SORL1: variants seen among roughly 807,000 people sequenced by gnomAD.
SORL1 encodes the protein sortilin related receptor 1.
In SORL1, 127 loss-of-function variants were observed where a neutral mutation model predicts 273.7. The observed-to-expected ratio is 0.46, with a 90% confidence interval of 0.40 to 0.54. The LOEUF is 0.54. Ranked by LOEUF, SORL1 falls within the 20% of genes least tolerant of loss-of-function variation. The pLI, the probability that SORL1 is intolerant of heterozygous loss-of-function variation, is 0.00. For synonymous variants in SORL1, 1,031 were observed against 1,067.4 expected, an observed-to-expected ratio of 0.97 and a Z score of 0.66; for missense variants, 2,494 against 2,846.1, an observed-to-expected ratio of 0.88 and a Z score of 2.81.
intron 44 of SORL1, 50 bp from the exon 45 acceptor site, chr11:121,622,112 T>C (rs1193962313): frequency 2.0e-6 from 2 of 1,014,400 alleles, no homozygotes; most frequent in Non-Finnish European, 3.1e-6. Context: ...GAAAATAGAG[T>C]TTCAAATGTA....
chr11:121,530,692 A>G (rs1376304205), intron 11 of SORL1, among the ~76,000 whole-genome samples: 1 of 151,506 alleles, frequency 6.6e-6, no homozygotes, highest in Non-Finnish European at 1.5e-5. Context: ...AATTTGGGAA[A>G]TTTTCAGCCA....
At position 121,599,853 on chromosome 11, in the gene SORL1, G is replaced by A. The variant is rs1053109146; in HGVS notation, c.4519+4081G>A. On this transcript the variant is annotated intron_variant, in intron 32 of 47. Coordinates refer to ENST00000260197, the MANE Select transcript of SORL1 (RefSeq NM_003105.6). ...AAAGATTCTTATTTCTCTTTCTGTC[G>A]CCTTATGCCTGTTTGCTTTCCTGCA... Among the ~76,000 whole-genome samples the A allele has an allele frequency of 7.2e-5, 11 of 151,756 alleles. No homozygotes were observed. The East Asian group carries it at 1.2e-3, about 16-fold the overall frequency.
At position 121,555,275 on chromosome 11, in the gene SORL1, G is replaced by T; in HGVS notation, c.2528G>T (p.Ser843Ile). Residue 843 changes from serine to isoleucine, a missense_variant, in exon 18 of 48, where the codon AGC becomes ATC. Transcript: ENST00000260197. ...TVEALAFEPL[S>I]QLLYWVDAGF... is the part of the protein sequence containing the mutation. ...GAAGCTTTGGCTTTTGAACCCCTCA[G>T]CCAGCTGCTTTACTGGGTAGATGCA... 1 of 1,614,116 alleles carries T rather than the reference G, an allele frequency of 6.2e-7. No homozygotes were observed. The highest frequency in any genetic ancestry group is 8.5e-7 in the Non-Finnish European group (1 of 1,179,944).
chr11:121,593,473 T>G (rs1863246314), intron 31 of SORL1, among the ~76,000 whole-genome samples: 1 of 152,206 alleles, frequency 6.6e-6, no homozygotes, highest in African/African-American at 2.4e-5. Context: ...ACAACGTGGA[T>G]TCTCCTTTCG....
At chr11:121,622,661 C>T (rs1209477998) in intron 45 of SORL1, among the ~76,000 whole-genome samples, 2 of 152,238 alleles carry the variant, frequency 1.3e-5, no homozygotes, top group Non-Finnish European at 2.9e-5. Flanking sequence ...AGTTGAGCTG[C>T]ACTCTCAGCC....
At chr11:121,621,328 GT>G in intron 44 of SORL1, 90 bp downstream of exon 44, 2 of 1,219,268 alleles carry the variant, frequency 1.6e-6, no homozygotes, top group Non-Finnish European at 2.3e-6. Context: ...TTCATTAGGC[GT>G]TTGTTTCACA....
intron 23 of SORL1, among the ~76,000 whole-genome samples, chr11:121,571,911 T>C (rs1399142570): frequency 6.6e-6 from 1 of 152,212 alleles, no homozygotes; most frequent in Non-Finnish European, 1.5e-5. Context: ...GCCTCCTTTA[T>C]CAGAGTTGCA....
intron 6 of SORL1, among the ~76,000 whole-genome samples, chr11:121,511,097 T>C (rs1173264197): frequency 6.6e-6 from 1 of 152,178 alleles, no homozygotes; most frequent in Admixed American, 6.5e-5. Flanking sequence ...CAGTAACTCT[T>C]TAAAAATCCA....
At chr11:121,482,829 T>C (rs1301712863) in intron 3 of SORL1, among the ~76,000 whole-genome samples, 1 of 152,232 alleles carries the variant, frequency 6.6e-6, no homozygotes, top group African/African-American at 2.4e-5. Flanking sequence ...CATGAGTGCC[T>C]GTGGAAGGGG....
rs1860814619 is a variant in SORL1, at chr11:121,452,441, G to A, written c.110G>A (p.Gly37Asp). 2 of 1,499,100 alleles carry A rather than the reference G, an allele frequency of 1.3e-6. No individual in the cohort carries two copies. Among genetic ancestry groups the A allele is most frequent in the African/African-American group, 1.5e-5 (1 of 68,876 alleles). 92.9% of individuals were successfully genotyped at this position (1,499,100 alleles called of 1,614,324 possible). Residue 37 changes from glycine to aspartate, a missense_variant, in exon 1 of 48, where the codon GGC becomes GAC. Gly to Asp is a moderately conservative substitution (Grantham distance 94). Around this residue, in one of 3 missense-constraint regions of SORL1, gnomAD observed 175 missense variants for 147.1 expected, o/e 1.19. Coordinates refer to ENST00000260197, the MANE Select transcript of SORL1 (RefSeq NM_003105.6). This position sits in a 1 kb window ranked among gnomAD's most constrained non-coding sequence, Gnocchi z 5.3. ...LCEVWTQRLH[G>D]GSAPLPQDRG... Reference sequence around the variant, plus strand: ...GAAGTCTGGACGCAGAGGCTGCACGGCGGCAGCGCGCCCTTGCCCCAGGAC... The same window carrying A: ...GAAGTCTGGACGCAGAGGCTGCACGACGGCAGCGCGCCCTTGCCCCAGGAC...
chr11:121,572,808 G>A (rs1245158140), intron 23 of SORL1, among the ~76,000 whole-genome samples: 1 of 152,068 alleles, frequency 6.6e-6, no homozygotes, highest in African/African-American at 2.4e-5. Flanking sequence ...GGGTTTTGAC[G>A]CGAATCCCTG....
At chr11:121,537,117 G>A (rs1270241519) in intron 12 of SORL1, among the ~76,000 whole-genome samples, 1 of 152,142 alleles carries the variant, frequency 6.6e-6, no homozygotes, top group African/African-American at 2.4e-5. Flanking sequence ...GAATGTGCAC[G>A]GCTCTTGAGT....
chr11:121,549,703 C>T (rs1183537697), intron 14 of SORL1, among the ~76,000 whole-genome samples: 1 of 148,430 alleles, frequency 6.7e-6, no homozygotes, highest in Non-Finnish European at 1.5e-5. Flanking sequence ...AAATTTAATA[C>T]TGTTTTGATT....
chr11:121,590,928 G>A (rs769581450), intron 30 of SORL1, 73 bp from the exon 31 acceptor site: 3 of 1,566,570 alleles, frequency 1.9e-6, no homozygotes, highest in Non-Finnish European at 2.6e-6. Flanking sequence ...TCCGCACTAG[G>A]TTTGGGACAT....
chr11:121,489,112 G>A (rs1224209821), intron 4 of SORL1, among the ~76,000 whole-genome samples: 1 of 152,124 alleles, frequency 6.6e-6, no homozygotes, highest in Admixed American at 6.6e-5. Flanking sequence ...CATTGCCACA[G>A]CCGTGTATTC....
intron 30 of SORL1, chr11:121,590,637 G>A: frequency 1.7e-6 from 1 of 604,266 alleles, no homozygotes; most frequent in South Asian, 2.0e-5. Flanking sequence ...TCGTGGAGTA[G>A]TTGCGGTTGA....
rs142235748 is a variant in SORL1 at position 121,483,084 on chromosome 11, T to A, written c.528+4841T>A. On this transcript the variant is annotated intron_variant, in intron 3 of 47. Coordinates refer to ENST00000260197, the MANE Select transcript of SORL1 (RefSeq NM_003105.6). Reference sequence around the variant, plus strand: ...ATTGAAATATGTTTGGCGCTGTTATTTGCTTACTTAATAATTTTTAAAAAA... The same window carrying A: ...ATTGAAATATGTTTGGCGCTGTTATATGCTTACTTAATAATTTTTAAAAAA... 5.2e-3 allele frequency among the ~76,000 whole-genome samples: 789 copies of A among 152,348 alleles called. 3 individuals carry two copies. Among genetic ancestry groups the A allele is most frequent in the African/African-American group, 0.018 (751 of 41,574 alleles).
At chr11:121,555,986 C>T (rs138445452) in intron 18 of SORL1, among the ~76,000 whole-genome samples, 131 of 152,218 alleles carry the variant, frequency 8.6e-4, no homozygotes, top group African/African-American at 2.8e-3. Context: ...CAGGGAGATG[C>T]AGAGGGCTAA....
intron 2 of SORL1, among the ~76,000 whole-genome samples, chr11:121,474,956 A>G (rs1369282152): frequency 6.6e-6 from 1 of 152,270 alleles, no homozygotes; most frequent in Non-Finnish European, 1.5e-5. Flanking sequence ...ATGCTAATTA[A>G]GTAGAAATAA....
Sources: gnomAD v4.1 joint callset for allele counts (sites outside exome capture counted in the v4.1 genomes callset) on GRCh38, gnomAD v4.1.1 for gene constraint, gnomAD v4.1.1 regional missense constraint, Gnocchi (gnomAD v3.1) non-coding constraint, MANE v1.5 for transcripts, NCBI Gene and HGNC (gene_info 2026-07-23, HGNC 2026-07-21) for gene names.